The following ZFHX3 variants were observed in gnomAD, a reference collection of about 807,000 sequenced individuals.
ZFHX3 encodes the protein zinc finger homeobox protein 3.
In ZFHX3, 42 loss-of-function variants were observed where a neutral mutation model predicts 279.1. The ratio of observed to expected loss-of-function variants is 0.15; its 90% confidence interval spans 0.12 to 0.19. ZFHX3 has a LOEUF of 0.19. ZFHX3 is among the 10% of genes least tolerant of loss of function. ZFHX3 has a pLI of 1.00. For synonymous variants in ZFHX3, 2,293 were observed against 1,957.8 expected (o/e 1.17, Z -4.52); for missense variants, 4,981 against 4,754.0 (o/e 1.05, Z -1.40).
At chr16:73,268,839 G>T (rs556782793) in intron 4 of ZFHX3, among the ~76,000 whole-genome samples, 3 of 152,266 alleles carry the variant, frequency 2.0e-5, no homozygotes, top group African/African-American at 7.2e-5. Context: ...CTACAAAGGG[G>T]CACAGCGAGC....
chr16:73,354,372 T>C (rs1456580510), intron 3 of ZFHX3, among the ~76,000 whole-genome samples: 1 of 152,180 alleles, frequency 6.6e-6, no homozygotes, highest in Admixed American at 6.5e-5. Context: ...TGCATCTGTA[T>C]AGACGCCAAC....
At chr16:73,398,086 C>T (rs1435774382) in intron 3 of ZFHX3, among the ~76,000 whole-genome samples, 1 of 152,200 alleles carries the variant, frequency 6.6e-6, no homozygotes, top group Non-Finnish European at 1.5e-5. Context: ...CTCAGGTGAT[C>T]CACCCACCTA....
rs1336578622 is a variant in ZFHX3 at position 72,880,175 on chromosome 16, A to ATC, written c.3448+9554_3448+9555dup. ...TCCAGGATCTCCATGACCTCCCTTC[A>ATC]TCTCTCCCACCACCTTCTGTCCTAC... On this transcript the variant is annotated intron_variant, in intron 4 of 9. Transcript: ENST00000268489. Among the ~76,000 whole-genome samples, 6 of 152,228 alleles carry ATC rather than the reference A, an allele frequency of 3.9e-5. No homozygotes were observed. In the South Asian group the frequency reaches 1.0e-3, roughly 26 times the overall value.
chr16:73,646,667 A>C (rs1434907952), intron 2 of ZFHX3, among the ~76,000 whole-genome samples: 1 of 152,230 alleles, frequency 6.6e-6, no homozygotes, highest in Admixed American at 6.5e-5. Context: ...AAGGTACTTG[A>C]AAGAAGTAGC....
Position 72,796,248 on chromosome 16 carries a change from T to C in ZFHX3, c.6434A>G (p.Asn2145Ser). Reference sequence around the variant, plus strand: ...TGTGATCCTGGTGCGAGGCCTCTTGTTCTGCTGCTGGAGCAGGGTTGGATT... The same window carrying C: ...TGTGATCCTGGTGCGAGGCCTCTTGCTCTGCTGCTGGAGCAGGGTTGGATT... ...QLNPTLLQQQ[N>S]KRPRTRITDD... Residue 2145 changes from asparagine to serine, a missense_variant, in exon 9 of 10, where the codon AAC becomes AGC. This residue lies in a region of ZFHX3 where 177 missense variants were observed against 244.2 expected (regional missense o/e 0.72). Transcript: ENST00000268489. The C allele has an allele frequency of 6.2e-7, 1 of 1,614,120 alleles. No homozygotes were observed. The highest frequency in any genetic ancestry group is 8.5e-7 in the Non-Finnish European group (1 of 1,180,032).
chr16:73,833,365 T>A (rs1961050602), intron 1 of ZFHX3, among the ~76,000 whole-genome samples: 1 of 152,066 alleles, frequency 6.6e-6, no homozygotes, highest in African/African-American at 2.4e-5. Context: ...CTTAAAAAAA[T>A]TATTTAGAAT....
At chr16:73,366,186 C>G (rs1289451715) in intron 3 of ZFHX3, among the ~76,000 whole-genome samples, 1 of 152,134 alleles carries the variant, frequency 6.6e-6, no homozygotes, top group Non-Finnish European at 1.5e-5. Context: ...GTTGGCAAAT[C>G]ATTTGCTGAA....
At position 72,793,053 on chromosome 16, in the gene ZFHX3, TC is replaced by T. The variant is rs1335583876; in HGVS notation, c.9427+201del. ...TAAGAGTGGTTTCAAAGGAGACTGTTCCGACCAGGAGGTCCCATCCCTGACA... is the reference window on the plus strand; with the variant it reads ...TAAGAGTGGTTTCAAAGGAGACTGTTCGACCAGGAGGTCCCATCCCTGACA... On this transcript the variant is annotated intron_variant, in intron 9 of 9. Coordinates refer to ENST00000268489, the MANE Select transcript of ZFHX3 (RefSeq NM_006885.4). This position sits in a 1 kb window ranked among gnomAD's most constrained non-coding sequence, Gnocchi z 4.3. Among the ~76,000 whole-genome samples the T allele has an allele frequency of 1.3e-5, 2 of 152,256 alleles. No homozygotes were observed.
At chr16:73,189,390 C>A (rs1467431136) in intron 5 of ZFHX3, among the ~76,000 whole-genome samples, 1 of 152,196 alleles carries the variant, frequency 6.6e-6, no homozygotes, top group Non-Finnish European at 1.5e-5. Context: ...ACGTTTATTG[C>A]TTGAGACACT....
chr16:73,644,609 C>T (rs1354609235), intron 2 of ZFHX3, among the ~76,000 whole-genome samples: 2 of 152,014 alleles, frequency 1.3e-5, no homozygotes, highest in African/African-American at 4.8e-5. Context: ...TGCAGTGAGC[C>T]GAGATTGTGC....
At chr16:73,084,674 T>C (rs1375726244) in intron 8 of ZFHX3, among the ~76,000 whole-genome samples, 1 of 151,954 alleles carries the variant, frequency 6.6e-6, no homozygotes, top group African/African-American at 2.4e-5. Context: ...CCTGCCACCA[T>C]GCCCGGCTAA....
intron 2 of ZFHX3, among the ~76,000 whole-genome samples, chr16:73,491,551 A>G (rs541000634): frequency 1.1e-3 from 163 of 152,338 alleles, no homozygotes; most frequent in African/African-American, 3.6e-3. Flanking sequence ...CTACTTCATA[A>G]CAGAGTCAAT....
At chr16:72,867,700 C>G (rs1324820929) in intron 4 of ZFHX3, among the ~76,000 whole-genome samples, 1 of 139,270 alleles carries the variant, frequency 7.2e-6, no homozygotes, top group Non-Finnish European at 1.5e-5. Context: ...TAGCGAACCC[C>G]CAGAGTAGAC....
chr16:73,011,662 G>T (rs558389226), intron 1 of ZFHX3, among the ~76,000 whole-genome samples: 23 of 151,838 alleles, frequency 1.5e-4, no homozygotes, highest in Non-Finnish European at 3.1e-4. Flanking sequence ...GGCAGAGGTC[G>T]CAGTGCATGG....
At position 73,039,835 on chromosome 16, in the gene ZFHX3, G is replaced by A. The variant is rs942571637; in HGVS notation, c.-50+7917C>T. On this transcript the variant is annotated intron_variant, in intron 1 of 9. Coordinates refer to ENST00000268489, the MANE Select transcript of ZFHX3 (RefSeq NM_006885.4). Reference sequence around the variant, plus strand: ...GCATGAGCCACCATGCACAACCCAAGCAAATTTTTAATACTCAGATATCCA... The same window carrying A: ...GCATGAGCCACCATGCACAACCCAAACAAATTTTTAATACTCAGATATCCA... 2.0e-5 allele frequency among the ~76,000 whole-genome samples: 3 copies of A among 152,076 alleles called. No homozygotes were observed. The South Asian group carries it at 6.2e-4, about 32-fold the overall frequency.
intron 1 of ZFHX3, among the ~76,000 whole-genome samples, chr16:73,726,922 C>A (rs774893978): frequency 1.3e-5 from 2 of 152,200 alleles, no homozygotes; most frequent in African/African-American, 4.8e-5. Context: ...CACACTAGCA[C>A]GTTGCCCTCC....
intron 2 of ZFHX3, among the ~76,000 whole-genome samples, chr16:73,567,731 G>A (rs2020470878): frequency 6.6e-6 from 1 of 152,152 alleles, no homozygotes; most frequent in Non-Finnish European, 1.5e-5. Flanking sequence ...TGTAGCTTAA[G>A]AGCCCTTTTA....
At position 73,687,622 on chromosome 16, in the gene ZFHX3, T is replaced by A. The variant is rs375440704; in HGVS notation, c.-1607-7382A>T. On this transcript the variant is annotated intron_variant, in intron 1 of 17. Transcript: ENST00000641206. Reference sequence around the variant, plus strand: ...ACTTTGGGAGGCCAAGGCAGGTGGATCACGAGGTCAAGAGATCGAGACCAT... The same window carrying A: ...ACTTTGGGAGGCCAAGGCAGGTGGAACACGAGGTCAAGAGATCGAGACCAT... Among the ~76,000 whole-genome samples, 26 of 152,020 alleles carry A rather than the reference T, an allele frequency of 1.7e-4. No homozygotes were observed. In the East Asian group the frequency reaches 4.1e-3, roughly 24 times the overall value.
At chr16:73,479,579 G>C (rs188728095) in intron 2 of ZFHX3, among the ~76,000 whole-genome samples, 3 of 152,304 alleles carry the variant, frequency 2.0e-5, no homozygotes, top group African/African-American at 4.8e-5. Context: ...ATGATCACCT[G>C]TTAACACGCC....
Sources: allele counts gnomAD v4.1 joint callset (sites outside exome capture counted in the v4.1 genomes callset), GRCh38; gene constraint gnomAD v4.1.1; regional missense constraint gnomAD v4.1.1; non-coding constraint Gnocchi (gnomAD v3.1); transcripts MANE v1.5; gene names NCBI Gene and HGNC (gene_info 2026-07-23, HGNC 2026-07-21).